NIPBL: variants seen among roughly 807,000 people sequenced by gnomAD.
NIPBL encodes nipped-B-like protein.
NIPBL carries 19 observed loss-of-function variants against 321.8 expected under a neutral mutation model. The observed-to-expected ratio is 0.06, with a 90% CI of 0.04 to 0.09. The LOEUF is 0.09. Among genes scored for constraint, NIPBL ranks in the 10% least tolerant of loss-of-function variants. NIPBL has a pLI of 1.00. For missense variants in NIPBL, 2,210 were observed against 3,327.0 expected (o/e 0.66, Z 8.26); for synonymous variants, 1,106 against 1,114.1 (o/e 0.99, Z 0.14).
chr5:37,034,135 T>G (rs1334482761), intron 32 of NIPBL, among the ~76,000 whole-genome samples: 1 of 152,164 alleles, frequency 6.6e-6, no homozygotes, highest in East Asian at 1.9e-4. Context: ...GGACCTATAC[T>G]GTGTTCAACC....
chr5:37,049,075 T>A (rs1402200671), intron 39 of NIPBL, 36 bp from the exon 40 acceptor site: 1 of 1,603,052 alleles, frequency 6.2e-7, no homozygotes, highest in African/African-American at 1.3e-5. Context: ...GTATAGGTGC[T>A]CTTAATGTGT....
intron 1 of NIPBL, among the ~76,000 whole-genome samples, chr5:36,937,124 AT>A (rs768930068): frequency 2.6e-5 from 4 of 152,150 alleles, no homozygotes; most frequent in Non-Finnish European, 5.9e-5. Flanking sequence ...TAGTTTTAAA[AT>A]TTGGAATCTT....
rs116824606 is a variant in NIPBL at position 36,952,510 on chromosome 5, G to T, written c.-79-1108G>T. Among the ~76,000 whole-genome samples, 1,228 of 152,142 alleles carry T rather than the reference G, an allele frequency of 8.1e-3. 22 individuals carry two copies. The highest frequency in any genetic ancestry group is 0.028 in the African/African-American group (1,166 of 41,504). On this transcript the variant is annotated intron_variant, in intron 1 of 46. Coordinates refer to ENST00000282516, the MANE Select transcript of NIPBL (RefSeq NM_133433.4). ...AAAATATTATCTACTTACAAAAAAG[G>T]ACTTACCAAGTACTGTTAAAGGAAA...
rs546339448 is a variant in NIPBL, at chr5:36,938,725, G to A, written c.-79-14893G>A. ...ATAATGTAAATCCATAGGAAGTTGG[G>A]AAAAAGTATACAAGGAGGTCGTCAC... On this transcript the variant is annotated intron_variant, in intron 1 of 46. Transcript: ENST00000282516. 7.9e-5 allele frequency among the ~76,000 whole-genome samples: 12 copies of A among 152,144 alleles called. No homozygotes were observed. In the South Asian group the frequency reaches 2.3e-3, roughly 29 times the overall value.
intron 17 of NIPBL, 114 bp downstream of exon 17, chr5:37,006,702 A>AT (rs974206307): frequency 2.7e-4 from 175 of 653,542 alleles, no homozygotes; most frequent in Middle Eastern, 4.1e-4. Context: ...ATAAACACTG[A>AT]TTTTGATTAT....
At chr5:36,910,996 T>C (rs1465185278) in intron 1 of NIPBL, among the ~76,000 whole-genome samples, 2 of 152,210 alleles carry the variant, frequency 1.3e-5, no homozygotes, top group East Asian at 3.8e-4. Context: ...GTCTTTTATC[T>C]TCCCTTTTAG....
intron 32 of NIPBL, among the ~76,000 whole-genome samples, chr5:37,033,728 A>ATTTT (rs1423279625): frequency 5.6e-4 from 27 of 48,386 alleles, no homozygotes; most frequent in East Asian, 1.9e-3. Flanking sequence ...ATATATATAT[A>ATTTT]TATTTTTTTT....
intron 18 of NIPBL, 72 bp downstream of exon 18, chr5:37,007,546 CAAT>C: frequency 1.9e-6 from 2 of 1,039,834 alleles, no homozygotes; most frequent in Non-Finnish European, 2.9e-6. Context: ...CTAGCTCACT[CAAT>C]AATAAGACCA....
chr5:36,958,001 A>AAT, intron 3 of NIPBL, 103 bp from the exon 4 acceptor site: 5 of 984,694 alleles, frequency 5.1e-6, no homozygotes, highest in Non-Finnish European at 7.4e-6. Flanking sequence ...AAAAAAAAAA[A>AAT]TTCATATTGT....
chr5:36,995,720 C>T lies in NIPBL; in HGVS notation c.3220C>T (p.Arg1074Cys). 1 of 1,613,612 alleles carries T rather than the reference C, an allele frequency of 6.2e-7. No homozygotes were observed. The highest frequency in any genetic ancestry group is 8.5e-7 in the Non-Finnish European group (1 of 1,179,750). The change falls in exon 11 of 47, where the codon CGC becomes TGC. Residue 1074 changes from arginine (R) to cysteine (C), a missense_variant. Around this residue, in one of 14 missense-constraint regions of NIPBL, gnomAD observed 381 missense variants for 642.3 expected, o/e 0.59. Transcript: ENST00000282516. ...PLCERVKMNK[R>C]KRSTVNEKPK... ...TTGTGAACGTGTGAAAATGAACAAA[C>T]GCAAGCGTAGCACAGTTAATGAAAA...
rs559677890 is a variant in NIPBL at position 37,065,514 on chromosome 5, T to C, written c.*622T>C. The stretch of plus-strand genomic sequence containing the variant: ...TTACTTCTCTTTGTTACTTGTCTGT[T>C]TCCATTTGAATTTCTTATTGTAAAA... On this transcript the variant is annotated 3_prime_UTR_variant, in exon 47 of 47. Coordinates refer to ENST00000282516, the MANE Select transcript of NIPBL (RefSeq NM_133433.4). 1 of 152,822 alleles carries C rather than the reference T, an allele frequency of 6.5e-6. No individual in the cohort carries two copies. The highest frequency in any genetic ancestry group is 2.4e-5 in the African/African-American group (1 of 41,586). The allele number at this position is 152,822 out of a possible 1,614,324, so 9.5% of individuals were successfully genotyped here.
At chr5:36,982,577 G>A (rs1744265170) in intron 9 of NIPBL, among the ~76,000 whole-genome samples, 1 of 151,756 alleles carries the variant, frequency 6.6e-6, no homozygotes, top group Admixed American at 6.6e-5. Flanking sequence ...TTAATTACTT[G>A]TGTGCAAATA....
chr5:37,003,377 A>G (rs1330786009), intron 16 of NIPBL, 30 bp downstream of exon 16: 1 of 1,325,564 alleles, frequency 7.5e-7, no homozygotes, highest in Non-Finnish European at 1.1e-6. Context: ...TGTTAATTTT[A>G]CCCTTAATGT....
intron 9 of NIPBL, 110 bp from the exon 10 acceptor site, chr5:36,984,566 A>C: frequency 1.1e-6 from 1 of 927,794 alleles, no homozygotes; most frequent in Non-Finnish European, 1.6e-6. Context: ...TTTGCATTTT[A>C]CTCCATTTTA....
chr5:37,032,760 G>A (rs1166649443), intron 32 of NIPBL, among the ~76,000 whole-genome samples: 1 of 152,138 alleles, frequency 6.6e-6, no homozygotes, highest in African/African-American at 2.4e-5. Flanking sequence ...GGGGAACAGA[G>A]TGAGACTCTA....
At chr5:37,063,599 A>G (rs1264269416) in intron 45 of NIPBL, among the ~76,000 whole-genome samples, 191 bp from the exon 46 acceptor site, 1 of 152,216 alleles carries the variant, frequency 6.6e-6, no homozygotes, top group African/African-American at 2.4e-5. Flanking sequence ...GTGACAGACT[A>G]TTTGACCTTC....
At chr5:36,932,882 TCA>T (rs1362974453) in intron 1 of NIPBL, among the ~76,000 whole-genome samples, 8 of 144,862 alleles carry the variant, frequency 5.5e-5, no homozygotes, top group African/African-American at 7.6e-5. Context: ...TACTACAGAC[TCA>T]CACTCTCTGC....
chr5:36,917,720 T>C (rs1308548691), intron 1 of NIPBL, among the ~76,000 whole-genome samples: 5 of 152,102 alleles, frequency 3.3e-5, no homozygotes, highest in Non-Finnish European at 7.4e-5. Flanking sequence ...AGGAAGGGAT[T>C]CAGTTTCAAC....
At chr5:37,063,201 CTACTT>C (rs955937169) in intron 45 of NIPBL, among the ~76,000 whole-genome samples, 6 of 152,208 alleles carry the variant, frequency 3.9e-5, no homozygotes, top group South Asian at 2.1e-4. Context: ...TTTTAAAAAT[CTACTT>C]TAAAGCAAGT....
Sources: gnomAD v4.1 joint callset for allele counts (sites outside exome capture counted in the v4.1 genomes callset) on GRCh38, gnomAD v4.1.1 for gene constraint, gnomAD v4.1.1 regional missense constraint, MANE v1.5 for transcripts, NCBI Gene and HGNC (gene_info 2026-07-23, HGNC 2026-07-21) for gene names.